Variants in SPTB observed in about 807,000 individuals in gnomAD.
SPTB encodes the protein spectrin beta, erythrocytic.
A neutral mutation model predicts 256.2 loss-of-function variants in SPTB; 45 were observed. That is an observed-to-expected ratio of 0.18 (90% CI 0.14 to 0.23). The LOEUF (loss-of-function observed/expected upper bound fraction) is 0.23, where lower values mean the gene tolerates loss of function less well. SPTB is among the 10% of genes least tolerant of loss of function. SPTB has a pLI of 1.00. For synonymous variants in SPTB, 1,231 were observed against 1,243.1 expected (o/e 0.99, Z 0.21); for missense variants, 2,715 against 3,040.4 (o/e 0.89, Z 2.52).
Position 64,816,893 on chromosome 14 carries a change from G to A in SPTB, c.148+6054C>T, listed in dbSNP as rs2083201830. 6.6e-6 allele frequency among the ~76,000 whole-genome samples: 1 copy of A among 152,148 alleles called. No homozygotes were observed. The highest frequency in any genetic ancestry group is 2.4e-5 in the African/African-American group (1 of 41,416). The stretch of plus-strand genomic sequence containing the variant: ...AGCCATAAACACAGACAAGGCCTGG[G>A]GTCAGAGCTTGCCCTTGGGAACAAA... On this transcript the variant is annotated intron_variant, in intron 2 of 35. Coordinates refer to ENST00000644917, the MANE Select transcript of SPTB (RefSeq NM_001355436.2). The surrounding 1 kb of genome is among the most constrained non-coding windows in gnomAD (Gnocchi z 4.2).
Position 64,749,797 on chromosome 14 carries a change from A to C in SPTB, c.6777-101T>G. On this transcript the variant is annotated intron_variant, in intron 34 of 35. Transcript: ENST00000644917. This position sits in a 1 kb window ranked among gnomAD's most constrained non-coding sequence, Gnocchi z 4.7. Reference sequence around the variant, plus strand: ...ACAATACCCTGAGCCGAACATCCAGACCCCTCTCAGGCAGCCCAGCACTTT... The same window carrying C: ...ACAATACCCTGAGCCGAACATCCAGCCCCCTCTCAGGCAGCCCAGCACTTT... 1 of 1,525,562 alleles carries C rather than the reference A, an allele frequency of 6.6e-7. No individual in the cohort carries two copies. The highest frequency in any genetic ancestry group is 1.2e-5 in the South Asian group (1 of 86,328). The allele number at this position is 1,525,562 out of a possible 1,614,324, so 94.5% of individuals were successfully genotyped here. A position where few individuals can be genotyped will look rare whatever the true frequency, so the allele number is the denominator to read the frequency against.
At chr14:64,751,946 T>TAAAAAAAAAAAAAAAAAC (rs1566731898) in intron 33 of SPTB, among the ~76,000 whole-genome samples, 2 of 90,440 alleles carry the variant, frequency 2.2e-5, no homozygotes, top group Non-Finnish European at 4.9e-5. Flanking sequence ...AAAAAAAAAT[T>TAAAAAAAAAAAAAAAAAC]AGCCAGGCGT....
chr14:64,783,795 C>A (rs1024220668), intron 19 of SPTB, among the ~76,000 whole-genome samples: 1 of 152,144 alleles, frequency 6.6e-6, no homozygotes, highest in African/African-American at 2.4e-5. Context: ...TCCCTTGGTT[C>A]GCCATCTATA....
At chr14:64,835,922 T>C (rs1170320006) in intron 1 of SPTB, among the ~76,000 whole-genome samples, 3 of 152,212 alleles carry the variant, frequency 2.0e-5, no homozygotes, top group Non-Finnish European at 2.9e-5. Context: ...GTTCACTTAA[T>C]GACTCTGTAT....
chr14:64,841,427 C>G lies in SPTB; in HGVS notation c.-51-18282G>C, dbSNP rs2083605504. On this transcript the variant is annotated intron_variant, in intron 1 of 35. Transcript: ENST00000644917. This position sits in a 1 kb window ranked among gnomAD's most constrained non-coding sequence, Gnocchi z 4.6. ...TCATCTGAGACGAATTCTTCCACAT[C>G]TAGCTCAACACCAGGCAACAAGAGC... 6.6e-6 allele frequency among the ~76,000 whole-genome samples: 1 copy of G among 152,168 alleles called. No homozygotes were observed. The highest frequency in any genetic ancestry group is 1.5e-5 in the Non-Finnish European group (1 of 68,038).
At chr14:64,794,103 A>T (rs1051062482) in intron 13 of SPTB, among the ~76,000 whole-genome samples, 1 of 152,322 alleles carries the variant, frequency 6.6e-6, no homozygotes, top group Non-Finnish European at 1.5e-5. Flanking sequence ...TCTTAATAGA[A>T]ATGTACAACA....
intron 19 of SPTB, among the ~76,000 whole-genome samples, chr14:64,784,012 T>A (rs1267460992): frequency 1.3e-5 from 2 of 152,250 alleles, no homozygotes; most frequent in Non-Finnish European, 2.9e-5. Context: ...GTCCTCAGTG[T>A]CCTGGGCTGT....
intron 9 of SPTB, among the ~76,000 whole-genome samples, chr14:64,799,093 A>G (rs768648420): frequency 6.6e-6 from 1 of 151,418 alleles, no homozygotes; most frequent in Non-Finnish European, 1.5e-5. Context: ...GTGTATGTGT[A>G]TGAGTGCACG....
chr14:64,795,399 G>C lies in SPTB; in HGVS notation c.1582C>G (p.Leu528Val). The C allele has an allele frequency of 1.2e-6, 2 of 1,614,088 alleles. No individual in the cohort carries two copies. Among genetic ancestry groups the C allele is most frequent in the Non-Finnish European group, 1.7e-6 (2 of 1,180,036 alleles). The change falls in exon 12 of 36, where the codon CTG becomes GTG. Residue 528 changes from leucine (L) to valine (V), a missense_variant. By Grantham distance (32) the Leu-to-Val change is conservative. Coordinates refer to ENST00000644917, the MANE Select transcript of SPTB (RefSeq NM_001355436.2). This position sits in a 1 kb window ranked among gnomAD's most constrained non-coding sequence, Gnocchi z 6.5. ...TCCTGGAAGAGCTTCTGCAGTGCCA[G>C]GGTGGTCTCGAGCCTCTGGCGCCGG... is the stretch of plus-strand genomic sequence containing the variant. ...QSRRQRLETT[L>V]ALQKLFQDML... is the part of the protein sequence containing the mutation.
At chr14:64,835,745 T>C (rs750685833) in intron 1 of SPTB, among the ~76,000 whole-genome samples, 12 of 152,230 alleles carry the variant, frequency 7.9e-5, no homozygotes, top group Non-Finnish European at 1.3e-4. Flanking sequence ...AGAAAGGGAA[T>C]CTGGAACATA....
At chr14:64,773,664 TGC>T (rs1365372650) in intron 24 of SPTB, among the ~76,000 whole-genome samples, 1 of 152,204 alleles carries the variant, frequency 6.6e-6, no homozygotes, top group African/African-American at 2.4e-5. Flanking sequence ...CTTCCCATGG[TGC>T]CCCTCACTCT....
chr14:64,795,615 C>A lies in SPTB; in HGVS notation c.1366G>T (p.Ala456Ser), dbSNP rs576643197. 11 of 1,613,984 alleles carry A rather than the reference C, an allele frequency of 6.8e-6. No homozygotes were observed. Among genetic ancestry groups the A allele is most frequent in the Non-Finnish European group, 9.3e-6 (11 of 1,180,046 alleles). ...AQDNFGYDLA[A>S]VEAAKKKHEA... Reference sequence around the variant, plus strand: ...TGCTTCTTCTTGGCGGCCTCCACAGCTGCCAGGTCATACCCAAAGTTATCC... The same window carrying A: ...TGCTTCTTCTTGGCGGCCTCCACAGATGCCAGGTCATACCCAAAGTTATCC... The change falls in exon 12 of 36, where the codon GCT becomes TCT. Residue 456 changes from alanine (A) to serine (S), a missense_variant. Transcript: ENST00000644917. This position sits in a 1 kb window ranked among gnomAD's most constrained non-coding sequence, Gnocchi z 6.5.
chr14:64,794,427 G>A lies in SPTB; in HGVS notation c.1795+40C>T, dbSNP rs202049994. ...TTGTTAGGCCAGAGGTGAGGCTCTG[G>A]CATTGGAAGCCTCAAAAGGGGAGAC... is the stretch of plus-strand genomic sequence containing the variant. On this transcript the variant is annotated intron_variant, in intron 13 of 35. Transcript: ENST00000644917. 1.2e-5 allele frequency: 19 copies of A among 1,613,102 alleles called. No individual in the cohort carries two copies. The Admixed American group carries it at 2.5e-4, about 21-fold the overall frequency.
intron 1 of SPTB, among the ~76,000 whole-genome samples, chr14:64,850,072 A>G (rs2083757218): frequency 6.6e-6 from 1 of 152,236 alleles, no homozygotes; most frequent in African/African-American, 2.4e-5. Context: ...AAACTAGAAT[A>G]TGTGACAGAG....
Position 64,785,600 on chromosome 14 carries a change from C to G in SPTB, c.3792G>C (p.Gln1264His). 1 of 1,614,150 alleles carries G rather than the reference C, an allele frequency of 6.2e-7. No homozygotes were observed. Among genetic ancestry groups the G allele is most frequent in the Non-Finnish European group, 8.5e-7 (1 of 1,180,022 alleles). The change falls in exon 18 of 36, where the codon CAG becomes CAC. Residue 1264 changes from glutamine to histidine, a missense_variant. By Grantham distance (24) the Gln-to-His change is conservative. Transcript: ENST00000644917. The surrounding 1 kb of genome is among the most constrained non-coding windows in gnomAD (Gnocchi z 4.4). ...TGTCTCTCAGTAGGACAGAGGCCTCCTGGGCCTTCTCGTTGTTCTTCCTGT... is the reference window on the plus strand; with the variant it reads ...TGTCTCTCAGTAGGACAGAGGCCTCGTGGGCCTTCTCGTTGTTCTTCCTGT... ...DRHRKNNEKA[Q>H]EASVLLRDNL... is the part of the protein sequence containing the mutation.
chr14:64,794,352 G>C, intron 13 of SPTB, 115 bp downstream of exon 13: 1 of 1,385,786 alleles, frequency 7.2e-7, no homozygotes, highest in Non-Finnish European at 1.0e-6. Flanking sequence ...ATTACTTGAT[G>C]AAAGTAACAG....
chr14:64,754,483 A>G (rs1363496929), intron 32 of SPTB: 3 of 155,318 alleles, frequency 1.9e-5, no homozygotes, highest in African/African-American at 4.8e-5. Context: ...TTCAAAAGAA[A>G]CATTCTCAGG....
rs756094864 is a variant in SPTB, at chr14:64,749,696, C to T, written c.6777G>A (p.Arg2259=). 3 of 1,613,778 alleles carry T rather than the reference C, an allele frequency of 1.9e-6. No individual in the cohort carries two copies. The highest frequency in any genetic ancestry group is 3.3e-4 in the Middle Eastern group (2 of 6,062). ...AGAGCCACTCGCTGCCATTACTCAG[C>T]CTAGGAGGACAAAGGGTTTCCTGTC... ...YKKKKHVFKL[R]LSNGSEWLFH... is the part of the protein sequence containing the mutation. Residue 2259 remains arginine, a splice_region_variant and synonymous_variant, in exon 35 of 36, where the codon AGG becomes AGA. Transcript: ENST00000644917. This position sits in a 1 kb window ranked among gnomAD's most constrained non-coding sequence, Gnocchi z 4.7.
intron 33 of SPTB, among the ~76,000 whole-genome samples, chr14:64,750,472 T>C (rs775744277): frequency 2.9e-4 from 44 of 152,214 alleles, no homozygotes; most frequent in Non-Finnish European, 5.4e-4. Context: ...TATTTCTCCA[T>C]ATCCTCAAAT....
Sources: gnomAD v4.1 joint callset for allele counts (sites outside exome capture counted in the v4.1 genomes callset) on GRCh38, gnomAD v4.1.1 for gene constraint, Gnocchi (gnomAD v3.1) non-coding constraint, MANE v1.5 for transcripts, NCBI Gene and HGNC (gene_info 2026-07-23, HGNC 2026-07-21) for gene names.